MAPK13: variants seen among roughly 807,000 people sequenced by gnomAD.
MAPK13 encodes mitogen-activated protein kinase 13, also known as MAP kinase 13.
In MAPK13, 39 loss-of-function variants were observed where a neutral mutation model predicts 53.5. The observed-to-expected ratio is 0.73, with a 90% CI of 0.56 to 0.95. The LOEUF is 0.95. Among genes scored for constraint, MAPK13 ranks in the 40% least tolerant of loss-of-function variants. The pLI, the probability that MAPK13 is intolerant of heterozygous loss-of-function variation, is 0.00. For missense variants in MAPK13, 460 were observed against 471.8 expected, an observed-to-expected ratio of 0.98 and a Z score of 0.23; for synonymous variants, 179 against 190.9, an observed-to-expected ratio of 0.94 and a Z score of 0.51.
In MAPK13 at chr6:36,139,723, C is replaced by T. The variant is rs1468922934; in HGVS notation, c.*350C>T. The T allele has an allele frequency of 4.1e-6, 1 of 246,508 alleles. No individual in the cohort carries two copies. The highest frequency in any genetic ancestry group is 8.0e-6 in the Non-Finnish European group (1 of 125,478). 15.3% of individuals were successfully genotyped at this position (246,508 alleles called of 1,614,324 possible). On this transcript the variant is annotated 3_prime_UTR_variant, in exon 12 of 12. Coordinates refer to ENST00000211287, the MANE Select transcript of MAPK13 (RefSeq NM_002754.5). Reference sequence around the variant, plus strand: ...GATGCTCTAACGAATTACCACAAACCTGGTGGATTGAAACAGCAGAACTTG... The same window carrying T: ...GATGCTCTAACGAATTACCACAAACTTGGTGGATTGAAACAGCAGAACTTG...
At chr6:36,132,838 G>A (rs1373989064) in intron 3 of MAPK13, among the ~76,000 whole-genome samples, 159 bp downstream of exon 3, 4 of 152,184 alleles carry the variant, frequency 2.6e-5, no homozygotes, top group Admixed American at 6.5e-5. Context: ...GATTCTCTCT[G>A]GAAAGATGCT....
rs1766528378 is a variant in MAPK13 at position 36,141,354 on chromosome 6, T to G, written c.*1981T>G. 1 of 152,124 alleles carries G rather than the reference T, an allele frequency of 6.6e-6. No individual in the cohort carries two copies. Among genetic ancestry groups the G allele is most frequent in the Admixed American group, 6.5e-5 (1 of 15,270 alleles). 9.4% of individuals were successfully genotyped at this position (152,124 alleles called of 1,614,324 possible). On this transcript the variant is annotated 3_prime_UTR_variant, in exon 12 of 12. Coordinates refer to ENST00000211287, the MANE Select transcript of MAPK13 (RefSeq NM_002754.5). The stretch of plus-strand genomic sequence containing the variant: ...GGAAGTAGGTGGGAACCTCTATACT[T>G]TCTACCAACCTAAAACTGCTCTAAA...
In MAPK13 at chr6:36,138,427, A is replaced by G; in HGVS notation, c.745A>G (p.Lys249Glu). 6.2e-7 allele frequency: 1 copy of G among 1,614,038 alleles called. No homozygotes were observed. The highest frequency in any genetic ancestry group is 8.5e-7 in the Non-Finnish European group (1 of 1,179,982). Residue 249 changes from lysine (K) to glutamate (E), a missense_variant, in exon 9 of 12, where the codon AAG becomes GAG. Physicochemically the swap from Lys to Glu is moderately conservative, Grantham distance 56 (BLOSUM62 1). Coordinates refer to ENST00000211287, the MANE Select transcript of MAPK13 (RefSeq NM_002754.5). ...GGTGCCTGGCACGGAGTTTGTGCAGAAGCTGAACGACAAAGCGGTGGGTGG... is the reference window on the plus strand; with the variant it reads ...GGTGCCTGGCACGGAGTTTGTGCAGGAGCTGAACGACAAAGCGGTGGGTGG... Reference protein sequence around the residue: ...TGVPGTEFVQKLNDKAAKSYI... With the variant: ...TGVPGTEFVQELNDKAAKSYI...
intron 8 of MAPK13, 147 bp from the exon 9 acceptor site, chr6:36,138,218 T>G (rs1404937727): frequency 3.2e-6 from 2 of 627,426 alleles, no homozygotes; most frequent in African/African-American, 1.8e-5. Flanking sequence ...AGAATAAGCC[T>G]CCTCCTGAGA....
rs141413397 is a variant in MAPK13, at chr6:36,139,350, C to T, written c.1075C>T (p.Arg359Cys). The change falls in exon 12 of 12, where the codon CGC (arginine) becomes TGC (cysteine). Residue 359 changes from arginine to cysteine, a missense_variant. Transcript: ENST00000211287. ...CCCCATTGCCCGGAAGGACTCACGG[C>T]GCCGGAGTGGCATGAAGCTGTAGGG... ...FSPIARKDSR[R>C]RSGMKL 24 of 1,614,022 alleles carry T rather than the reference C, an allele frequency of 1.5e-5. No individual in the cohort carries two copies. The highest frequency in any genetic ancestry group is 2.7e-5 in the African/African-American group (2 of 74,932).
intron 1 of MAPK13, 70 bp from the exon 2 acceptor site, chr6:36,131,201 G>T: frequency 3.9e-6 from 6 of 1,536,012 alleles, no homozygotes; most frequent in Non-Finnish European, 4.4e-6. Flanking sequence ...CCAGTGGGAG[G>T]GGTCAGGGCG....
chr6:36,131,550 G>T (rs1561787487), intron 2 of MAPK13, 150 bp downstream of exon 2: 1 of 770,614 alleles, frequency 1.3e-6, no homozygotes, highest in Admixed American at 3.0e-5. Flanking sequence ...AAAGGAGGGG[G>T]TGCCGAGACC....
intron 3 of MAPK13, among the ~76,000 whole-genome samples, chr6:36,135,007 T>C (rs1185329736): frequency 6.6e-6 from 1 of 152,068 alleles, no homozygotes; most frequent in African/African-American, 2.4e-5. Context: ...AGAGCAAGAC[T>C]CCATCTCAAA....
In MAPK13 at chr6:36,138,939, A is replaced by C; in HGVS notation, c.902A>C (p.Gln301Pro). The C allele has an allele frequency of 6.2e-7, 1 of 1,613,122 alleles. No homozygotes were observed. The highest frequency in any genetic ancestry group is 8.5e-7 in the Non-Finnish European group (1 of 1,179,616). ...LDVDKRLTAA[Q>P]ALTHPFFEPF... ...GTGGACAAGCGCCTGACGGCCGCGC[A>C]GGCCCTCACCCATCCCTTCTTTGAA... The change falls in exon 11 of 12, where the codon CAG becomes CCG. Residue 301 changes from glutamine (Q) to proline (P), a missense_variant. Transcript: ENST00000211287.
chr6:36,134,617 C>G (rs910363918), intron 3 of MAPK13, among the ~76,000 whole-genome samples: 1 of 152,102 alleles, frequency 6.6e-6, no homozygotes, highest in Admixed American at 6.6e-5. Context: ...ATCCTGATCT[C>G]GAATTCCCGG....
At chr6:36,135,889 G>C in intron 4 of MAPK13, 28 bp downstream of exon 4, 2 of 1,599,154 alleles carry the variant, frequency 1.3e-6, no homozygotes, top group Non-Finnish European at 1.7e-6. Flanking sequence ...GGCTGGCAGA[G>C]GGGACGCCTT....
At position 36,130,665 on chromosome 6, in the gene MAPK13, C is replaced by A; in HGVS notation, c.83C>A (p.Pro28Gln). Residue 28 changes from proline (P) to glutamine (Q), a missense_variant, in exon 1 of 12, where the codon CCG becomes CAG. Transcript: ENST00000211287. The surrounding 1 kb of genome is among the most constrained non-coding windows in gnomAD (Gnocchi z 4.5). ...AWELPKTYVS[P>Q]THVGSGAYGS... ...GAGCTGCCCAAGACCTACGTGTCCC[C>A]GACGCACGTCGGCAGCGGGGCCTAT... The A allele has an allele frequency of 6.3e-7, 1 of 1,576,876 alleles. No individual in the cohort carries two copies. The highest frequency in any genetic ancestry group is 8.6e-7 in the Non-Finnish European group (1 of 1,163,982).
At position 36,131,390 on chromosome 6, in the gene MAPK13, A is replaced by G; in HGVS notation, c.239A>G (p.Gln80Arg). The change falls in exon 2 of 12, where the codon CAG becomes CGG. Residue 80 changes from glutamine to arginine, a missense_variant. Coordinates refer to ENST00000211287, the MANE Select transcript of MAPK13 (RefSeq NM_002754.5). ...GAGCTGCTGCTGCTGAAGCACATGC[A>G]GCATGAGAACGTAGGTGGTGGCTGC... is the stretch of plus-strand genomic sequence containing the variant. The part of the protein sequence containing the change: ...YRELLLLKHM[Q>R]HENVIGLLDV... 6.2e-7 allele frequency: 1 copy of G among 1,612,998 alleles called. No individual in the cohort carries two copies. The highest frequency in any genetic ancestry group is 8.5e-7 in the Non-Finnish European group (1 of 1,179,460).
rs1296521257 is a variant in MAPK13 at position 36,130,578 on chromosome 6, C to G, written c.-5C>G. On this transcript the variant is annotated 5_prime_UTR_variant, in exon 1 of 12. Coordinates refer to ENST00000211287, the MANE Select transcript of MAPK13 (RefSeq NM_002754.5). The surrounding 1 kb of genome is among the most constrained non-coding windows in gnomAD (Gnocchi z 4.5). ...CGCTGGGGCCGCCGAGATCGGGTGC[C>G]CGGGATGAGCCTCATCCGGAAAAAG... 2 of 1,512,472 alleles carry G rather than the reference C, an allele frequency of 1.3e-6. No individual in the cohort carries two copies. Among genetic ancestry groups the G allele is most frequent in the South Asian group, 2.4e-5 (2 of 84,882 alleles). The allele number at this position is 1,512,472 out of a possible 1,614,324, so 93.7% of individuals were successfully genotyped here.
chr6:36,138,646 T>C, intron 9 of MAPK13, 56 bp from the exon 10 acceptor site: 9 of 1,540,664 alleles, frequency 5.8e-6, no homozygotes, highest in Non-Finnish European at 6.3e-6. Flanking sequence ...CTGAAATCCC[T>C]GCTCTACACG....
rs1029431146 is a variant in MAPK13 at position 36,130,843 on chromosome 6, C to A, written c.119+142C>A. The A allele has an allele frequency of 1.9e-5, 10 of 519,904 alleles. No homozygotes were observed. Among genetic ancestry groups the A allele is most frequent in the Middle Eastern group, 5.3e-4 (1 of 1,902 alleles). 32.2% of individuals were successfully genotyped at this position (519,904 alleles called of 1,614,324 possible). A position where few individuals can be genotyped will look rare whatever the true frequency, so the allele number is the denominator to read the frequency against. ...CAGCGCCCTCCCCGGGGCCACCCAG[C>A]GGCCATCTCCCTTTTCTCACCGAGT... On this transcript the variant is annotated intron_variant, in intron 1 of 11. Transcript: ENST00000211287. The surrounding 1 kb of genome is among the most constrained non-coding windows in gnomAD (Gnocchi z 4.5).
At position 36,143,648 on chromosome 6, in the gene MAPK13, C is replaced by T. The variant is rs1766577999; in HGVS notation, c.*4275C>T. 1 of 152,186 alleles carries T rather than the reference C, an allele frequency of 6.6e-6. No homozygotes were observed. Among genetic ancestry groups the T allele is most frequent in the Non-Finnish European group, 1.5e-5 (1 of 68,058 alleles). The allele number at this position is 152,186 out of a possible 1,614,324, so 9.4% of individuals were successfully genotyped here. Reference sequence around the variant, plus strand: ...TAAGATCTAATGCTGGGAGGCTCCCCTTCCTTCATTACACAGTGAACTCAT... The same window carrying T: ...TAAGATCTAATGCTGGGAGGCTCCCTTTCCTTCATTACACAGTGAACTCAT... On this transcript the variant is annotated 3_prime_UTR_variant, in exon 12 of 12. Coordinates refer to ENST00000211287, the MANE Select transcript of MAPK13 (RefSeq NM_002754.5).
Position 36,131,391 on chromosome 6 carries a change from G to A in MAPK13, c.240G>A (p.Gln80=). 6.2e-7 allele frequency: 1 copy of A among 1,612,984 alleles called. No homozygotes were observed. Among genetic ancestry groups the A allele is most frequent in the Non-Finnish European group, 8.5e-7 (1 of 1,179,438 alleles). The change falls in exon 2 of 12, where the codon CAG becomes CAA. Residue 80 remains glutamine, a synonymous_variant. Coordinates refer to ENST00000211287, the MANE Select transcript of MAPK13 (RefSeq NM_002754.5). Reference sequence around the variant, plus strand: ...AGCTGCTGCTGCTGAAGCACATGCAGCATGAGAACGTAGGTGGTGGCTGCC... The same window carrying A: ...AGCTGCTGCTGCTGAAGCACATGCAACATGAGAACGTAGGTGGTGGCTGCC... ...YRELLLLKHM[Q]HENVIGLLDV...
In MAPK13 at chr6:36,131,363, G is replaced by A. The variant is rs149104977; in HGVS notation, c.212G>A (p.Arg71Gln). 13 of 1,613,790 alleles carry A rather than the reference G, an allele frequency of 8.1e-6. No individual in the cohort carries two copies. The highest frequency in any genetic ancestry group is 2.2e-5 in the South Asian group (2 of 91,084). Residue 71 changes from arginine (R) to glutamine (Q), a missense_variant, in exon 2 of 12, where the codon CGG (arginine) becomes CAG (glutamine). By Grantham distance (43) the Arg-to-Gln change is conservative. Coordinates refer to ENST00000211287, the MANE Select transcript of MAPK13 (RefSeq NM_002754.5). ...QSEIFAKRAY[R>Q]ELLLLKHMQH... ...GAGATCTTCGCCAAGCGCGCCTACC[G>A]GGAGCTGCTGCTGCTGAAGCACATG...
Sources: allele counts gnomAD v4.1 joint callset (sites outside exome capture counted in the v4.1 genomes callset), GRCh38; gene constraint gnomAD v4.1.1; non-coding constraint Gnocchi (gnomAD v3.1); transcripts MANE v1.5; gene names NCBI Gene and HGNC (gene_info 2026-07-23, HGNC 2026-07-21).